CNTN5: variants seen among roughly 807,000 people sequenced by gnomAD.
CNTN5 encodes the protein contactin-5.
Under a neutral mutation model 129.1 loss-of-function variants are expected in CNTN5, and 77 were observed. The observed-to-expected ratio is 0.60, with a 90% CI of 0.50 to 0.72. The LOEUF (loss-of-function observed/expected upper bound fraction) is 0.72. CNTN5 is among the 30% of genes least tolerant of loss of function. The pLI is 0.00. For missense variants in CNTN5, 1,478 were observed against 1,328.8 expected (o/e 1.11, Z -1.75); for synonymous variants, 509 against 465.6 (o/e 1.09, Z -1.20).
At chr11:99,267,190 A>G (rs547434410) in intron 1 of CNTN5, among the ~76,000 whole-genome samples, 27 of 152,192 alleles carry the variant, frequency 1.8e-4, no homozygotes, top group African/African-American at 3.9e-4. Context: ...TGAGACCTTA[A>G]TAAGTCATTG....
intron 13 of CNTN5, among the ~76,000 whole-genome samples, chr11:100,078,583 C>T (rs143820241): frequency 6.6e-6 from 1 of 152,116 alleles, no homozygotes; most frequent in Non-Finnish European, 1.5e-5. Context: ...AAAGTATAAA[C>T]CAGTGTATGA....
At chr11:100,037,085 C>G (rs1264658120) in intron 9 of CNTN5, among the ~76,000 whole-genome samples, 29 of 151,514 alleles carry the variant, frequency 1.9e-4, no homozygotes, top group South Asian at 8.4e-4. Context: ...TGCCCATTCA[C>G]TATGATATTG....
At chr11:99,333,288 T>C (rs546351983) in intron 2 of CNTN5, among the ~76,000 whole-genome samples, 249 of 152,176 alleles carry the variant, frequency 1.6e-3, no homozygotes, top group African/African-American at 5.4e-3. Context: ...TCACCTGTGA[T>C]TTAGGTGACT....
chr11:99,629,267 T>C (rs602718), intron 3 of CNTN5, among the ~76,000 whole-genome samples: 92,955 of 151,844 alleles, frequency 0.61, 29,329 homozygotes, highest in Admixed American at 0.74. Context: ...CTTTAGAAAC[T>C]TCAGATAAGA....
intron 3 of CNTN5, among the ~76,000 whole-genome samples, chr11:99,802,488 C>T (rs1707607874): frequency 6.6e-6 from 1 of 152,142 alleles, no homozygotes; most frequent in Admixed American, 6.5e-5. Flanking sequence ...CCACCAAGTG[C>T]CCAGAGGTGT....
intron 3 of CNTN5, among the ~76,000 whole-genome samples, chr11:99,756,978 C>A (rs1267711706): frequency 6.7e-6 from 1 of 150,288 alleles, no homozygotes; most frequent in Non-Finnish European, 1.5e-5. Context: ...AACTTTCTGG[C>A]AATAACGTCT....
intron 18 of CNTN5, 108 bp downstream of exon 18, chr11:100,271,349 T>G (rs1950404985): frequency 1.6e-6 from 1 of 635,278 alleles, no homozygotes; most frequent in Non-Finnish European, 2.5e-6. Flanking sequence ...TAATTTGTCC[T>G]GATTCATTTA....
chr11:100,037,851 TTC>T, intron 9 of CNTN5, among the ~76,000 whole-genome samples: 1 of 152,310 alleles, frequency 6.6e-6, no homozygotes, highest in South Asian at 2.1e-4. Context: ...AATTTGATTC[TTC>T]TCTCTTTTTT....
In CNTN5 at chr11:100,155,401, C is replaced by G. The variant is rs573516911; in HGVS notation, c.1581-35725C>G. Among the ~76,000 whole-genome samples, 17 of 152,228 alleles carry G rather than the reference C, an allele frequency of 1.1e-4. 1 individual carries two copies. In the South Asian group the frequency reaches 3.5e-3, roughly 32 times the overall value. ...CTATGTATCTGTTTTGGTACCAGAA[C>G]CATGATGTTTTGGTTACTGTAGCCT... On this transcript the variant is annotated intron_variant, in intron 13 of 24. Coordinates refer to ENST00000524871, the MANE Select transcript of CNTN5 (RefSeq NM_014361.4).
intron 3 of CNTN5, among the ~76,000 whole-genome samples, chr11:99,757,681 T>C (rs1280302914): frequency 6.6e-6 from 1 of 152,058 alleles, no homozygotes; most frequent in Non-Finnish European, 1.5e-5. Flanking sequence ...GGGAGGGTAT[T>C]ACTCTCAACC....
intron 1 of CNTN5, among the ~76,000 whole-genome samples, chr11:99,096,678 C>G (rs1374873788): frequency 1.3e-5 from 2 of 151,756 alleles, no homozygotes; most frequent in Non-Finnish European, 3.0e-5. Context: ...TTTATATCTT[C>G]TTTACTGGGA....
At chr11:99,302,469 A>G (rs1023142905) in intron 1 of CNTN5, among the ~76,000 whole-genome samples, 2 of 151,806 alleles carry the variant, frequency 1.3e-5, no homozygotes, top group African/African-American at 4.8e-5. Context: ...AACTTAGAGG[A>G]AGAAATGGAA....
intron 2 of CNTN5, among the ~76,000 whole-genome samples, chr11:99,531,850 C>T (rs182302251): frequency 1.2e-3 from 176 of 152,310 alleles, no homozygotes; most frequent in African/African-American, 3.5e-3. Context: ...AACACCTGGC[C>T]GCCCAGGCAA....
At chr11:100,224,894 C>T in intron 16 of CNTN5, 82 bp downstream of exon 16, 3 of 1,304,830 alleles carry the variant, frequency 2.3e-6, no homozygotes, top group Admixed American at 1.9e-5. Flanking sequence ...GGACTTTGAG[C>T]ACATCAGTAC....
intron 3 of CNTN5, among the ~76,000 whole-genome samples, chr11:99,668,571 G>GA (rs1320370387): frequency 6.6e-6 from 1 of 151,838 alleles, no homozygotes; most frequent in Non-Finnish European, 1.5e-5. Context: ...ATTTGAACCA[G>GA]AAAAAAACAT....
chr11:100,045,545 G>A (rs78989928), intron 9 of CNTN5, among the ~76,000 whole-genome samples: 4 of 151,988 alleles, frequency 2.6e-5, no homozygotes, highest in Non-Finnish European at 5.9e-5. Context: ...AAAGAATTAA[G>A]TTTTCTTTTC....
chr11:100,255,364 A>C (rs970161716), intron 16 of CNTN5, among the ~76,000 whole-genome samples: 2 of 137,646 alleles, frequency 1.5e-5, no homozygotes, highest in Non-Finnish European at 3.2e-5. Flanking sequence ...TATTTTAGTA[A>C]GGATGAGATT....
intron 1 of CNTN5, among the ~76,000 whole-genome samples, chr11:99,111,775 T>C (rs1471730206): frequency 6.6e-6 from 1 of 152,042 alleles, no homozygotes; most frequent in Non-Finnish European, 1.5e-5. Flanking sequence ...TCTTAAATAC[T>C]GCGAACCTAT....
At chr11:100,302,049 T>A (rs1951234022) in intron 20 of CNTN5, among the ~76,000 whole-genome samples, 1 of 151,276 alleles carries the variant, frequency 6.6e-6, no homozygotes, top group Non-Finnish European at 1.5e-5. Flanking sequence ...TCTCAAAAAA[T>A]AATAATAATA....
Sources: allele counts gnomAD v4.1 joint callset (sites outside exome capture counted in the v4.1 genomes callset), GRCh38; gene constraint gnomAD v4.1.1; transcripts MANE v1.5; gene names NCBI Gene and HGNC (gene_info 2026-07-23, HGNC 2026-07-21).